Variants in CMC1 observed in about 807,000 individuals in gnomAD.
CMC1 encodes C-X9-C motif containing 1.
CMC1 carries 14 observed loss-of-function variants against 14.1 expected under a neutral mutation model. That is an observed-to-expected ratio of 0.99 (90% CI 0.66 to 1.55). The LOEUF (loss-of-function observed/expected upper bound fraction) is 1.55. Among genes scored for constraint, CMC1 ranks in the 40% most tolerant of loss-of-function variants. CMC1 has a pLI of 0.00. For synonymous variants in CMC1, 50 were observed against 38.4 expected, an observed-to-expected ratio of 1.30 and a Z score of -1.12; for missense variants, 127 against 123.8, an observed-to-expected ratio of 1.03 and a Z score of -0.12.
At chr3:28,290,502 C>T (rs1701416840) in intron 2 of CMC1, among the ~76,000 whole-genome samples, 1 of 152,060 alleles carries the variant, frequency 6.6e-6, no homozygotes, top group Non-Finnish European at 1.5e-5. Context: ...CATCCCCACC[C>T]CACCTTGCAA....
chr3:28,270,248 G>A (rs1029371678), intron 2 of CMC1, among the ~76,000 whole-genome samples: 1 of 152,184 alleles, frequency 6.6e-6, no homozygotes, highest in Non-Finnish European at 1.5e-5. Context: ...ATAATAGAAT[G>A]ATTTATATTC....
rs1259371095 is a variant in CMC1, at chr3:28,324,622, G to A, written c.*4993G>A. 1 of 525,210 alleles carries A rather than the reference G, an allele frequency of 1.9e-6. No individual in the cohort carries two copies. The highest frequency in any genetic ancestry group is 3.9e-5 in the Admixed American group (1 of 25,438). The allele number at this position is 525,210 out of a possible 1,614,324, so 32.5% of individuals were successfully genotyped here. Reference sequence around the variant, plus strand: ...AGGAGATAAATGACAGATGATCTGAGTTTTAATCCTGGATCAGCAATTTAC... The same window carrying A: ...AGGAGATAAATGACAGATGATCTGAATTTTAATCCTGGATCAGCAATTTAC... On this transcript the variant is annotated 3_prime_UTR_variant, in exon 4 of 4. Coordinates refer to ENST00000466830, the MANE Select transcript of CMC1 (RefSeq NM_182523.2).
rs1428497762 is a variant in CMC1 at position 28,269,446 on chromosome 3, A to G, written c.109+6066A>G. Reference sequence around the variant, plus strand: ...CAGTATATTTTGGTTTTAGAAATAAATGAAACTTTACTTTAAGTTCTGGGA... The same window carrying G: ...CAGTATATTTTGGTTTTAGAAATAAGTGAAACTTTACTTTAAGTTCTGGGA... On this transcript the variant is annotated intron_variant, in intron 2 of 3. Coordinates refer to ENST00000466830, the MANE Select transcript of CMC1 (RefSeq NM_182523.2). 2.8e-5 allele frequency among the ~76,000 whole-genome samples: 4 copies of G among 142,026 alleles called. No homozygotes were observed. In the East Asian group the frequency reaches 7.7e-4, roughly 27 times the overall value. 93.2% of individuals were successfully genotyped at this position (142,026 alleles called of 152,430 possible).
chr3:28,253,670 T>A, intron 1 of CMC1: 1 of 889,080 alleles, frequency 1.1e-6, no homozygotes. Context: ...ATATAGAAAC[T>A]ATTGCTAATG....
chr3:28,310,787 G>C (rs1702597038), intron 2 of CMC1, among the ~76,000 whole-genome samples: 1 of 152,182 alleles, frequency 6.6e-6, no homozygotes, highest in African/African-American at 2.4e-5. Flanking sequence ...GATCAATTTT[G>C]TGGAAGACAC....
intron 2 of CMC1, among the ~76,000 whole-genome samples, chr3:28,268,462 T>A (rs1700116216): frequency 6.6e-6 from 1 of 152,186 alleles, no homozygotes; most frequent in Admixed American, 6.5e-5. Context: ...GAATTTTTAT[T>A]GAGAATTTGT....
At chr3:28,287,353 C>G (rs1387323926) in intron 2 of CMC1, among the ~76,000 whole-genome samples, 1 of 152,170 alleles carries the variant, frequency 6.6e-6, no homozygotes, top group Non-Finnish European at 1.5e-5. Context: ...AATTGATACC[C>G]AACTTTGTAT....
At chr3:28,313,420 TATTG>T (rs1262761442) in intron 2 of CMC1, among the ~76,000 whole-genome samples, 1 of 152,060 alleles carries the variant, frequency 6.6e-6, no homozygotes, top group African/African-American at 2.4e-5. Flanking sequence ...TAATTAAAAT[TATTG>T]ATAGAATCAG....
intron 2 of CMC1, among the ~76,000 whole-genome samples, chr3:28,286,770 T>C (rs2125536578): frequency 6.6e-6 from 1 of 152,284 alleles, no homozygotes; most frequent in South Asian, 2.1e-4. Flanking sequence ...GAAGTAAAGA[T>C]TGAAGCTCAG....
Position 28,248,472 on chromosome 3 carries a change from A to C in CMC1, c.19+6660A>C, listed in dbSNP as rs78624299. ...TTGAGGATGAGAAGTAGGGAAAGAG[A>C]TGTATCAGATAATTGCTAAGGTTGC... On this transcript the variant is annotated intron_variant, in intron 1 of 3. Transcript: ENST00000466830. 5.7e-4 allele frequency among the ~76,000 whole-genome samples: 86 copies of C among 152,050 alleles called. 1 individual carries two copies. In the East Asian group the frequency reaches 0.014, roughly 25 times the overall value.
At position 28,324,012 on chromosome 3, in the gene CMC1, C is replaced by T. The variant is rs978139498; in HGVS notation, c.*4383C>T. ...AGGACCACTGAAAGAGATAAGTGTC[C>T]TCATGGTGAAATCGTGAATCTCTTC... On this transcript the variant is annotated 3_prime_UTR_variant, in exon 4 of 4. Transcript: ENST00000466830. 10 of 1,566,780 alleles carry T rather than the reference C, an allele frequency of 6.4e-6. No homozygotes were observed. The African/African-American group carries it at 9.6e-5, about 15-fold the overall frequency.
chr3:28,305,032 CCAAA>C (rs1702237423), intron 2 of CMC1, among the ~76,000 whole-genome samples: 2 of 152,148 alleles, frequency 1.3e-5, no homozygotes, highest in African/African-American at 2.4e-5. Flanking sequence ...GAACCGTCAC[CCAAA>C]CAGTGATCAT....
intron 2 of CMC1, among the ~76,000 whole-genome samples, chr3:28,314,843 A>G (rs1460161984): frequency 2.6e-5 from 4 of 152,162 alleles, no homozygotes; most frequent in Admixed American, 2.6e-4. Context: ...TTACATAATT[A>G]TGTATTTTCA....
At chr3:28,248,237 T>A (rs1216572902) in intron 1 of CMC1, among the ~76,000 whole-genome samples, 1 of 152,160 alleles carries the variant, frequency 6.6e-6, no homozygotes, top group Non-Finnish European at 1.5e-5. Flanking sequence ...ATAGTAAATA[T>A]TTTTCATATG....
At chr3:28,293,742 T>C (rs910356355) in intron 2 of CMC1, among the ~76,000 whole-genome samples, 1 of 151,986 alleles carries the variant, frequency 6.6e-6, no homozygotes, top group South Asian at 2.1e-4. Context: ...CCACCATGCC[T>C]GGCGAATTTT....
At chr3:28,287,472 T>A (rs192784468) in intron 2 of CMC1, among the ~76,000 whole-genome samples, 343 of 152,246 alleles carry the variant, frequency 2.3e-3, no homozygotes, top group Middle Eastern at 3.4e-3. Flanking sequence ...GAGCAAATTT[T>A]TTTTTCCTAT....
At chr3:28,270,079 T>A (rs1334952480) in intron 2 of CMC1, among the ~76,000 whole-genome samples, 1 of 152,028 alleles carries the variant, frequency 6.6e-6, no homozygotes, top group Non-Finnish European at 1.5e-5. Flanking sequence ...TCCAGCTCCA[T>A]CCATGTCCCT....
At chr3:28,276,273 A>G (rs1056043662) in intron 2 of CMC1, among the ~76,000 whole-genome samples, 1 of 152,216 alleles carries the variant, frequency 6.6e-6, no homozygotes, top group African/African-American at 2.4e-5. Flanking sequence ...CTAAAAATTT[A>G]AATGACAAAA....
intron 2 of CMC1, among the ~76,000 whole-genome samples, chr3:28,296,345 C>T (rs1464645470): frequency 6.6e-6 from 1 of 151,956 alleles, no homozygotes; most frequent in Non-Finnish European, 1.5e-5. Context: ...AAAGTTTATA[C>T]ATTTTTGAGG....
Sources: gnomAD v4.1 joint callset for allele counts (sites outside exome capture counted in the v4.1 genomes callset) on GRCh38, gnomAD v4.1.1 for gene constraint, MANE v1.5 for transcripts, NCBI Gene and HGNC (gene_info 2026-07-23, HGNC 2026-07-21) for gene names.